FLT1: variants seen among roughly 807,000 people sequenced by gnomAD.
FLT1 encodes the protein vascular endothelial growth factor receptor 1.
FLT1 carries 49 observed loss-of-function variants against 156.3 expected under a neutral mutation model. The observed-to-expected ratio is 0.31, with a 90% CI of 0.25 to 0.40. FLT1 has a LOEUF of 0.40. FLT1 is among the 10% of genes least tolerant of loss of function. The pLI is 1.00. For synonymous variants in FLT1, 594 were observed against 583.8 expected (o/e 1.02, Z -0.25); for missense variants, 1,322 against 1,637.2 (o/e 0.81, Z 3.32).
intron 3 of FLT1, among the ~76,000 whole-genome samples, chr13:28,450,980 C>T (rs1878896698): frequency 6.6e-6 from 1 of 152,172 alleles, no homozygotes; most frequent in Non-Finnish European, 1.5e-5. Flanking sequence ...ACAGGGGTAG[C>T]ATGGGGCCTT....
chr13:28,307,862 C>CTCCTGCCTCACG (rs1566277727), intron 28 of FLT1, among the ~76,000 whole-genome samples: 1 of 152,084 alleles, frequency 6.6e-6, no homozygotes, highest in Admixed American at 6.5e-5. Context: ...ACCTCCGCCT[C>CTCCTGCCTCACG]CCGGGTTCAC....
intron 1 of FLT1, among the ~76,000 whole-genome samples, chr13:28,475,996 T>C (rs1254145845): frequency 6.6e-6 from 1 of 152,220 alleles, no homozygotes; most frequent in Non-Finnish European, 1.5e-5. Context: ...ACTGAAAGCA[T>C]ATTTTTTCAG....
At chr13:28,316,317 G>C (rs1871201964) in intron 25 of FLT1, among the ~76,000 whole-genome samples, 1 of 152,234 alleles carries the variant, frequency 6.6e-6, no homozygotes, top group Non-Finnish European at 1.5e-5. Flanking sequence ...CATTCCCTCT[G>C]ATTCCTTCTG....
chr13:28,315,109 C>T (rs537088726), intron 25 of FLT1, among the ~76,000 whole-genome samples: 3 of 152,252 alleles, frequency 2.0e-5, no homozygotes, highest in Admixed American at 6.5e-5. Flanking sequence ...CTTACATGTG[C>T]GGTGCCTGTT....
At chr13:28,366,417 G>A (rs1015423196) in intron 14 of FLT1, among the ~76,000 whole-genome samples, 3 of 151,780 alleles carry the variant, frequency 2.0e-5, no homozygotes, top group Admixed American at 2.0e-4. Context: ...TTGATGCCTG[G>A]TTAACATTTG....
At chr13:28,343,843 C>T (rs1566295751) in intron 16 of FLT1, among the ~76,000 whole-genome samples, 1 of 151,852 alleles carries the variant, frequency 6.6e-6, no homozygotes, top group Non-Finnish European at 1.5e-5. Flanking sequence ...GGGGTTTCAT[C>T]CTGTTAGCCA....
At chr13:28,454,794 T>G (rs935868134) in intron 3 of FLT1, among the ~76,000 whole-genome samples, 1 of 152,190 alleles carries the variant, frequency 6.6e-6, no homozygotes, top group East Asian at 1.9e-4. Context: ...TAAAAGATTA[T>G]AGCAAGCTTG....
intron 3 of FLT1, among the ~76,000 whole-genome samples, chr13:28,446,049 C>G (rs977881839): frequency 6.6e-6 from 1 of 152,098 alleles, no homozygotes; most frequent in South Asian, 2.1e-4. Flanking sequence ...GAATAAACAT[C>G]AAAACCCACA....
chr13:28,376,763 C>G (rs929147397), intron 14 of FLT1, among the ~76,000 whole-genome samples: 1 of 152,166 alleles, frequency 6.6e-6, no homozygotes, highest in Non-Finnish European at 1.5e-5. Flanking sequence ...ATTGGAGAAC[C>G]TGGGAAGAGG....
intron 1 of FLT1, among the ~76,000 whole-genome samples, chr13:28,488,498 C>T (rs1330882995): frequency 7.8e-6 from 1 of 128,422 alleles, no homozygotes; most frequent in African/African-American, 2.9e-5. Flanking sequence ...CAAACAAAAC[C>T]ACGTGGGGAT....
chr13:28,317,266 T>C (rs1871247401), intron 25 of FLT1, among the ~76,000 whole-genome samples: 1 of 152,182 alleles, frequency 6.6e-6, no homozygotes, highest in African/African-American at 2.4e-5. Context: ...GTCATGTCAG[T>C]GGTCAGGACA....
chr13:28,414,182 G>A (rs186559836), intron 10 of FLT1, among the ~76,000 whole-genome samples: 1 of 152,246 alleles, frequency 6.6e-6, no homozygotes, highest in Admixed American at 6.5e-5. Context: ...ATTTCTCTTG[G>A]ATCTCAGTTC....
intron 16 of FLT1, among the ~76,000 whole-genome samples, chr13:28,341,360 G>A (rs533777210): frequency 4.6e-5 from 7 of 152,154 alleles, no homozygotes; most frequent in Admixed American, 2.0e-4. Flanking sequence ...ACAGCTAAGT[G>A]CTTCAAAGCC....
intron 3 of FLT1, among the ~76,000 whole-genome samples, chr13:28,447,232 G>A (rs950681210): frequency 2.0e-5 from 3 of 150,906 alleles, no homozygotes; most frequent in Non-Finnish European, 2.9e-5. Flanking sequence ...AGGCTGAAGT[G>A]CAGTGGCAGG....
At chr13:28,368,985 G>A (rs1476442730) in intron 14 of FLT1, among the ~76,000 whole-genome samples, 18 of 152,056 alleles carry the variant, frequency 1.2e-4, no homozygotes, top group African/African-American at 4.3e-4. Context: ...GATTACAGGT[G>A]TGAGCCACTG....
intron 16 of FLT1, among the ~76,000 whole-genome samples, 194 bp from the exon 17 acceptor site, chr13:28,339,494 A>G (rs554100931): frequency 6.6e-6 from 1 of 152,336 alleles, no homozygotes; most frequent in East Asian, 1.9e-4. Flanking sequence ...ACTCCTTACT[A>G]TTCCCACACT....
chr13:28,404,986 C>T (rs1041569602), intron 11 of FLT1, among the ~76,000 whole-genome samples: 2 of 149,758 alleles, frequency 1.3e-5, no homozygotes, highest in African/African-American at 4.9e-5. Context: ...CGCCATCGCA[C>T]TCCAGCCTGG....
intron 25 of FLT1, among the ~76,000 whole-genome samples, chr13:28,316,311 C>T (rs865975927): frequency 7.2e-5 from 11 of 152,364 alleles, no homozygotes; most frequent in Admixed American, 2.6e-4. Flanking sequence ...TTCCTGCATT[C>T]CCTCTGATTC....
intron 10 of FLT1, among the ~76,000 whole-genome samples, chr13:28,406,315 A>T (rs1055193963): frequency 6.6e-6 from 1 of 152,152 alleles, no homozygotes; most frequent in African/African-American, 2.4e-5. Context: ...ATGCAGTTGG[A>T]TGGCTAAGTT....
Sources: gnomAD v4.1 joint callset for allele counts (sites outside exome capture counted in the v4.1 genomes callset) on GRCh38, gnomAD v4.1.1 for gene constraint, MANE v1.5 for transcripts, NCBI Gene and HGNC (gene_info 2026-07-23, HGNC 2026-07-21) for gene names.